Variants in ZMAT4 observed in about 807,000 individuals in gnomAD.
ZMAT4 encodes zinc finger matrin-type 4.
ZMAT4 carries 17 observed loss-of-function variants against 28.7 expected under a neutral mutation model. The ratio of observed to expected loss-of-function variants is 0.59; its 90% CI spans 0.41 to 0.89. ZMAT4 has a LOEUF of 0.89. Among genes scored for constraint, ZMAT4 ranks in the 40% least tolerant of loss-of-function variants. ZMAT4 has a pLI of 0.00. For synonymous variants in ZMAT4, 117 were observed against 109.2 expected, an observed-to-expected ratio of 1.07 and a Z score of -0.44; for missense variants, 240 against 283.8, an observed-to-expected ratio of 0.85 and a Z score of 1.11.
intron 3 of ZMAT4, among the ~76,000 whole-genome samples, chr8:40,709,242 T>A (rs201364890): frequency 2.2e-5 from 3 of 138,854 alleles, no homozygotes; most frequent in South Asian, 2.6e-4. Flanking sequence ...TTGTTGTATT[T>A]TTTTTATTGT....
At chr8:40,748,075 G>T (rs1434067773) in intron 3 of ZMAT4, among the ~76,000 whole-genome samples, 18 of 152,206 alleles carry the variant, frequency 1.2e-4, no homozygotes, top group Admixed American at 1.0e-3. Flanking sequence ...AGTATTTAAA[G>T]TCATAAACAC....
At chr8:40,545,079 C>T (rs1198814069) in intron 6 of ZMAT4, among the ~76,000 whole-genome samples, 3 of 152,102 alleles carry the variant, frequency 2.0e-5, no homozygotes, top group African/African-American at 4.8e-5. Flanking sequence ...CTTCTCATGC[C>T]TAGAGATGCC....
intron 4 of ZMAT4, 144 bp from the exon 5 acceptor site, chr8:40,675,075 C>T: frequency 1.9e-6 from 1 of 537,874 alleles, no homozygotes. Context: ...GGAAAATTAG[C>T]CCTGCCAGCT....
chr8:40,729,749 C>A (rs1229202857), intron 3 of ZMAT4, among the ~76,000 whole-genome samples: 1 of 152,050 alleles, frequency 6.6e-6, no homozygotes, highest in Non-Finnish European at 1.5e-5. Flanking sequence ...CAGGCACGTG[C>A]CACCACACCC....
Position 40,664,615 on chromosome 8 carries a change from T to C in ZMAT4, c.577+10089A>G, listed in dbSNP as rs534913798. Among the ~76,000 whole-genome samples the C allele has an allele frequency of 2.5e-4, 38 of 152,266 alleles. No individual in the cohort carries two copies. In the South Asian group the frequency reaches 7.1e-3, roughly 28 times the overall value. On this transcript the variant is annotated intron_variant, in intron 5 of 6. Coordinates refer to ENST00000297737, the MANE Select transcript of ZMAT4 (RefSeq NM_024645.3). The stretch of plus-strand genomic sequence containing the variant: ...AGCTTTCAGATGACAGCAGCCCTGG[T>C]TGATGTCTCTGTTACAATATTATGA...
At chr8:40,629,543 C>G (rs552338591) in intron 5 of ZMAT4, among the ~76,000 whole-genome samples, 1 of 150,758 alleles carries the variant, frequency 6.6e-6, no homozygotes, top group Admixed American at 6.6e-5. Flanking sequence ...TCTCCTAATG[C>G]TATCCCTCGC....
chr8:40,707,392 G>C (rs1449782377), intron 3 of ZMAT4, among the ~76,000 whole-genome samples: 1 of 152,126 alleles, frequency 6.6e-6, no homozygotes, highest in Non-Finnish European at 1.5e-5. Flanking sequence ...AGATTCAAAA[G>C]ATACTTGATG....
chr8:40,853,266 T>C (rs547588629), intron 1 of ZMAT4, among the ~76,000 whole-genome samples: 1 of 152,298 alleles, frequency 6.6e-6, no homozygotes, highest in Admixed American at 6.5e-5. Context: ...ATACAATTAA[T>C]AATTTGTGGG....
Position 40,653,178 on chromosome 8 carries a change from A to G in ZMAT4, c.577+21526T>C, listed in dbSNP as rs563962666. On this transcript the variant is annotated intron_variant, in intron 5 of 6. Transcript: ENST00000297737. Reference sequence around the variant, plus strand: ...CCAATAGATCAAGTTACAAATAAAAATGGACAGCAAAAAATATACTGAGAT... The same window carrying G: ...CCAATAGATCAAGTTACAAATAAAAGTGGACAGCAAAAAATATACTGAGAT... Among the ~76,000 whole-genome samples, 94 of 152,268 alleles carry G rather than the reference A, an allele frequency of 6.2e-4. 2 individuals are homozygous for G. The South Asian group carries it at 0.019, about 31-fold the overall frequency.
chr8:40,545,175 G>A (rs1803161637), intron 6 of ZMAT4, among the ~76,000 whole-genome samples: 1 of 151,986 alleles, frequency 6.6e-6, no homozygotes, highest in African/African-American at 2.4e-5. Flanking sequence ...TCAAGCAACT[G>A]CGCGAGTGAG....
intron 5 of ZMAT4, among the ~76,000 whole-genome samples, chr8:40,614,446 T>A (rs1805920843): frequency 6.6e-6 from 1 of 152,218 alleles, no homozygotes; most frequent in African/African-American, 2.4e-5. Flanking sequence ...TAGGTCTGCT[T>A]GGTGCAGAGC....
intron 5 of ZMAT4, among the ~76,000 whole-genome samples, chr8:40,621,982 T>G (rs1006396423): frequency 1.3e-5 from 2 of 152,216 alleles, no homozygotes; most frequent in Admixed American, 6.5e-5. Flanking sequence ...AGTCTTTCAC[T>G]TAGTTTTAGT....
intron 5 of ZMAT4, among the ~76,000 whole-genome samples, chr8:40,611,967 T>G (rs1805813527): frequency 6.6e-6 from 1 of 152,210 alleles, no homozygotes; most frequent in Admixed American, 6.5e-5. Context: ...AGACCCCCAC[T>G]GTCATTGTTG....
chr8:40,573,248 C>G (rs997827293), intron 6 of ZMAT4, among the ~76,000 whole-genome samples: 22 of 152,096 alleles, frequency 1.4e-4, no homozygotes, highest in African/African-American at 4.8e-4. Context: ...GGGTAGTTTA[C>G]AGCAGAAATT....
intron 3 of ZMAT4, among the ~76,000 whole-genome samples, chr8:40,740,514 T>C (rs1421582959): frequency 1.3e-5 from 2 of 152,244 alleles, no homozygotes; most frequent in African/African-American, 2.4e-5. Flanking sequence ...AAATCTAGTT[T>C]CAATTCATAG....
intron 1 of ZMAT4, among the ~76,000 whole-genome samples, chr8:40,875,938 T>A (rs141229253): frequency 5.0e-4 from 76 of 152,294 alleles, no homozygotes; most frequent in African/African-American, 1.3e-3. Context: ...GGATATGTCA[T>A]GGCCTTGAAA....
intron 1 of ZMAT4, among the ~76,000 whole-genome samples, chr8:40,896,763 G>A (rs1818891952): frequency 6.6e-6 from 1 of 152,122 alleles, no homozygotes; most frequent in African/African-American, 2.4e-5. Flanking sequence ...GTTAGCAGAA[G>A]CAGTGTGGAT....
chr8:40,743,382 C>T (rs1333693343), intron 3 of ZMAT4, among the ~76,000 whole-genome samples: 1 of 152,154 alleles, frequency 6.6e-6, no homozygotes, highest in African/African-American at 2.4e-5. Context: ...TCGGGAGGAG[C>T]CCCAGACAGC....
At chr8:40,820,881 GTGTA>G (rs1318723404) in intron 2 of ZMAT4, among the ~76,000 whole-genome samples, 9 of 21,262 alleles carry the variant, frequency 4.2e-4, no homozygotes, top group African/African-American at 1.1e-3. Flanking sequence ...ATGTGTGCAT[GTGTA>G]TGTGTTTATG....
Sources: allele counts gnomAD v4.1 joint callset (sites outside exome capture counted in the v4.1 genomes callset), GRCh38; gene constraint gnomAD v4.1.1; transcripts MANE v1.5; gene names NCBI Gene and HGNC (gene_info 2026-07-23, HGNC 2026-07-21).